The following CCDC13 variants were observed in gnomAD, a reference collection of about 807,000 sequenced individuals.
The protein encoded by CCDC13 is coiled-coil domain containing 13, also known as coiled-coil domain-containing protein 13.
A neutral mutation model predicts 87.3 loss-of-function variants in CCDC13; 70 were observed. That is an observed-to-expected ratio of 0.80 (90% CI 0.66 to 0.98). The LOEUF is 0.98. Among genes scored for constraint, CCDC13 ranks in the 50% least tolerant of loss-of-function variants. CCDC13 has a pLI of 0.00. For synonymous variants in CCDC13, 317 were observed against 360.3 expected, an observed-to-expected ratio of 0.88 and a Z score of 1.36; for missense variants, 842 against 892.0, an observed-to-expected ratio of 0.94 and a Z score of 0.71.
At chr3:42,748,609 G>C (rs1252627569) in intron 5 of CCDC13, among the ~76,000 whole-genome samples, 1 of 152,172 alleles carries the variant, frequency 6.6e-6, no homozygotes, top group Non-Finnish European at 1.5e-5. Flanking sequence ...ATGGACCCCA[G>C]AGGCTCTGGG....
rs565954157 is a variant in CCDC13 at position 42,769,087 on chromosome 3, G to A, written c.-7+4089C>T. 3.9e-5 allele frequency among the ~76,000 whole-genome samples: 6 copies of A among 152,166 alleles called. No homozygotes were observed. In the South Asian group the frequency reaches 6.2e-4, roughly 16 times the overall value. On this transcript the variant is annotated intron_variant, in intron 1 of 15. Transcript: ENST00000310232. ...TGGGAGGTGGAGGTTGCAGTGAGCC[G>A]AGATCATGCCATTGCACTCCAGTCT...
In CCDC13 at chr3:42,758,081, A is replaced by ACACACT. The variant is rs751005552; in HGVS notation, c.221+43_221+44insAGTGTG. 638 of 1,518,932 alleles carry ACACACT rather than the reference A, an allele frequency of 4.2e-4. 1 individual carries two copies. Among genetic ancestry groups the ACACACT allele is most frequent in the Non-Finnish European group, 5.6e-4 (610 of 1,098,202 alleles). The allele number at this position is 1,518,932 out of a possible 1,614,324, so 94.1% of individuals were successfully genotyped here. ...CGGTGGTACACACACACACACACAC[A>ACACACT]CACACACACACACACCCCTGAGAGA... On this transcript the variant is annotated intron_variant, in intron 2 of 15. Transcript: ENST00000310232.
At chr3:42,771,911 A>C (rs1700124712) in intron 1 of CCDC13, among the ~76,000 whole-genome samples, 1 of 152,210 alleles carries the variant, frequency 6.6e-6, no homozygotes, top group African/African-American at 2.4e-5. Flanking sequence ...GGGAATACGG[A>C]ATACATAAAG....
chr3:42,772,168 C>G (rs887448260), intron 1 of CCDC13, among the ~76,000 whole-genome samples: 2 of 149,816 alleles, frequency 1.3e-5, no homozygotes, highest in African/African-American at 2.5e-5. Context: ...GCTACTCGAG[C>G]CCAAGGCAGG....
At position 42,760,747 on chromosome 3, in the gene CCDC13, T is replaced by C. The variant is rs191106362; in HGVS notation, c.-6-2396A>G. Among the ~76,000 whole-genome samples, 390 of 151,278 alleles carry C rather than the reference T, an allele frequency of 2.6e-3. 3 individuals are homozygous for C. Among genetic ancestry groups the C allele is most frequent in the African/African-American group, 9.1e-3 (376 of 41,470 alleles). On this transcript the variant is annotated intron_variant, in intron 1 of 15. Transcript: ENST00000310232. ...TCCAACCTGGGTGACAGAGCAAGAC[T>C]CTGTCTCAAAATAAATAAATAAATA...
chr3:42,731,080 C>T (rs1304233086), intron 12 of CCDC13, among the ~76,000 whole-genome samples: 2 of 152,156 alleles, frequency 1.3e-5, no homozygotes, highest in East Asian at 3.9e-4. Context: ...TCAATTTTCT[C>T]CAGCCCTAAG....
At chr3:42,732,991 C>A (rs1416248629) in intron 11 of CCDC13, 21 bp from the exon 12 acceptor site, 14 of 1,547,650 alleles carry the variant, frequency 9.0e-6, no homozygotes, top group Non-Finnish European at 1.0e-5. Flanking sequence ...GCGGAAGGGG[C>A]CCATCAGCCT....
intron 13 of CCDC13, among the ~76,000 whole-genome samples, chr3:42,725,815 A>G (rs2125877856): frequency 6.6e-6 from 1 of 152,278 alleles, no homozygotes; most frequent in East Asian, 1.9e-4. Context: ...AACTCCTACA[A>G]GGAAAAAAGC....
At chr3:42,718,573 G>A (rs528838006) in intron 13 of CCDC13, among the ~76,000 whole-genome samples, 7 of 152,186 alleles carry the variant, frequency 4.6e-5, no homozygotes, top group Admixed American at 6.5e-5. Context: ...GGTCTGGATC[G>A]GGACCCTTTC....
intron 13 of CCDC13, among the ~76,000 whole-genome samples, chr3:42,719,956 T>C (rs1445928209): frequency 1.3e-5 from 2 of 152,172 alleles, no homozygotes; most frequent in African/African-American, 2.4e-5. Flanking sequence ...TTTTGGGAAA[T>C]AGAGTTTTAA....
At chr3:42,734,935 C>T (rs1357085158) in intron 10 of CCDC13, among the ~76,000 whole-genome samples, 1 of 152,280 alleles carries the variant, frequency 6.6e-6, no homozygotes, top group African/African-American at 2.4e-5. Flanking sequence ...TGAGCATCTA[C>T]TGTGTGCTTG....
chr3:42,713,351 TGGCAGGCAGGG>T, intron 13 of CCDC13, 35 bp from the exon 14 acceptor site: 1 of 1,609,330 alleles, frequency 6.2e-7, no homozygotes, highest in Middle Eastern at 1.7e-4. Context: ...CTACATGCCC[TGGCAGGCAGGG>T]GCAGGCCCTA....
At chr3:42,734,278 T>C (rs1698927681) in intron 10 of CCDC13, among the ~76,000 whole-genome samples, 1 of 152,148 alleles carries the variant, frequency 6.6e-6, no homozygotes, top group Admixed American at 6.5e-5. Context: ...GTGTGCCGAC[T>C]TAAGTCTGGT....
chr3:42,740,396 G>C (rs1003284264), intron 8 of CCDC13, among the ~76,000 whole-genome samples: 1 of 152,050 alleles, frequency 6.6e-6, no homozygotes, highest in Non-Finnish European at 1.5e-5. Context: ...CTTCATTCTC[G>C]AGGGTTTCCT....
At chr3:42,712,273 G>A (rs1698329098) in intron 14 of CCDC13, among the ~76,000 whole-genome samples, 1 of 151,992 alleles carries the variant, frequency 6.6e-6, no homozygotes, top group Non-Finnish European at 1.5e-5. Context: ...CAGCCTGGAG[G>A]GGGCTGGGAT....
intron 13 of CCDC13, among the ~76,000 whole-genome samples, chr3:42,725,333 T>A (rs950230653): frequency 1.3e-5 from 2 of 152,042 alleles, no homozygotes; most frequent in Non-Finnish European, 2.9e-5. Context: ...ACAGATATAC[T>A]CCCATAAAAA....
In CCDC13 at chr3:42,742,913, T is replaced by C; in HGVS notation, c.970A>G (p.Lys324Glu). Reference sequence around the variant, plus strand: ...CGCGTTACCTCCAAGCCTTCCTGTTTTTCCCTTTCCAGGCTGCGGATCCTC... The same window carrying C: ...CGCGTTACCTCCAAGCCTTCCTGTTCTTCCCTTTCCAGGCTGCGGATCCTC... Reference protein sequence around the residue: ...LLRIRSLEREKQEGLEKLASE... With the variant: ...LLRIRSLEREEQEGLEKLASE... Residue 324 changes from lysine to glutamate, a missense_variant, in exon 8 of 16, where the codon AAA becomes GAA. Coordinates refer to ENST00000310232, the MANE Select transcript of CCDC13 (RefSeq NM_144719.4). 6.2e-7 allele frequency: 1 copy of C among 1,614,154 alleles called. No homozygotes were observed. Among genetic ancestry groups the C allele is most frequent in the Non-Finnish European group, 8.5e-7 (1 of 1,180,000 alleles).
intron 13 of CCDC13, among the ~76,000 whole-genome samples, chr3:42,723,901 A>T: frequency 6.6e-6 from 1 of 152,220 alleles, no homozygotes; most frequent in East Asian, 1.9e-4. Flanking sequence ...GCAATATACT[A>T]AGTAAAATAA....
At chr3:42,722,471 G>A (rs1698586105) in intron 13 of CCDC13, among the ~76,000 whole-genome samples, 1 of 152,176 alleles carries the variant, frequency 6.6e-6, no homozygotes, top group Admixed American at 6.5e-5. Flanking sequence ...GGATGAGATG[G>A]GAGGTTGGCA....
Sources: gnomAD v4.1 joint callset for allele counts (sites outside exome capture counted in the v4.1 genomes callset) on GRCh38, gnomAD v4.1.1 for gene constraint, MANE v1.5 for transcripts, NCBI Gene and HGNC (gene_info 2026-07-23, HGNC 2026-07-21) for gene names.